FAM47E: variants seen among roughly 807,000 people sequenced by gnomAD.
The protein encoded by FAM47E is family with sequence similarity 47 member E, also known as protein FAM47E.
In FAM47E, 32 loss-of-function variants were observed where a neutral mutation model predicts 41.6. The observed-to-expected ratio is 0.77, with a 90% CI of 0.58 to 1.03. The LOEUF (loss-of-function observed/expected upper bound fraction) is 1.03. Ranked by LOEUF, FAM47E falls within the 50% of genes least tolerant of loss-of-function variation. The probability of loss-of-function intolerance (pLI) is 0.00; values close to 1 mark genes in which losing one functional copy is unlikely to be tolerated. For synonymous variants in FAM47E, 184 were observed against 188.7 expected (o/e 0.98, Z 0.20); for missense variants, 424 against 485.4 (o/e 0.87, Z 1.19).
At chr4:76,249,850 G>C (rs1367608018), upstream of FAM47E, among the ~76,000 whole-genome samples, 1 of 151,958 alleles carries the variant, frequency 6.6e-6, no homozygotes, top group Non-Finnish European at 1.5e-5. Flanking sequence ...TTCCATCCAA[G>C]TTGCTACTAA....
At chr4:76,248,248 C>T (rs1305789702), upstream of FAM47E, among the ~76,000 whole-genome samples, 2 of 151,980 alleles carry the variant, frequency 1.3e-5, no homozygotes, top group African/African-American at 2.4e-5. Flanking sequence ...TTTCGATATA[C>T]AGAAGTTTTT....
intron 2 of FAM47E, among the ~76,000 whole-genome samples, chr4:76,224,833 A>C (rs1311847398): frequency 3.3e-5 from 5 of 152,048 alleles, no homozygotes; most frequent in Non-Finnish European, 5.9e-5. Flanking sequence ...GATTTCTGAG[A>C]TTTTGGTGCA....
At chr4:76,218,957 C>G (rs572532321) in intron 2 of FAM47E, among the ~76,000 whole-genome samples, 2 of 152,248 alleles carry the variant, frequency 1.3e-5, no homozygotes, top group East Asian at 3.9e-4. Context: ...TGTAGACATT[C>G]TATTTTAAGG....
At chr4:76,244,158 T>C (rs182996291) in intron 2 of FAM47E, among the ~76,000 whole-genome samples, 13 of 152,300 alleles carry the variant, frequency 8.5e-5, no homozygotes, top group Admixed American at 2.6e-4. Flanking sequence ...GACATTTGGG[T>C]AGTTCCAAGT....
At chr4:76,227,228 T>C (rs529561423) in intron 2 of FAM47E, among the ~76,000 whole-genome samples, 11 of 152,214 alleles carry the variant, frequency 7.2e-5, no homozygotes, top group South Asian at 2.1e-4. Context: ...GTTGTGTCAC[T>C]ATTATCGTTC....
chr4:76,248,488 C>A (rs1022968659), upstream of FAM47E, among the ~76,000 whole-genome samples: 2 of 152,050 alleles, frequency 1.3e-5, no homozygotes, highest in African/African-American at 4.8e-5. Context: ...TAGGATTTCT[C>A]CAAGACTTAG....
intron 1 of FAM47E, among the ~76,000 whole-genome samples, chr4:76,217,095 A>G (rs1733221457): frequency 6.6e-6 from 1 of 152,212 alleles, no homozygotes; most frequent in African/African-American, 2.4e-5. Flanking sequence ...TCTATAGGAC[A>G]TGTCTGCACC....
At position 76,252,832 on chromosome 4, in the gene FAM47E, A is replaced by G. The variant is rs765100944; in HGVS notation, c.74+1012A>G. 8.5e-5 allele frequency among the ~76,000 whole-genome samples: 13 copies of G among 152,312 alleles called. 1 individual carries two copies. The highest frequency in any genetic ancestry group is 6.2e-4 in the South Asian group (3 of 4,824). Reference sequence around the variant, plus strand: ...GCTGCTTACAGTGGTACCATTTTACATAACGATAGCACATTGCCAAACCAG... The same window carrying G: ...GCTGCTTACAGTGGTACCATTTTACGTAACGATAGCACATTGCCAAACCAG... On this transcript the variant is annotated intron_variant, in intron 1 of 7. Transcript: ENST00000424749.
chr4:76,217,206 A>G (rs1432963236), intron 1 of FAM47E, among the ~76,000 whole-genome samples: 2 of 152,146 alleles, frequency 1.3e-5, no homozygotes, highest in African/African-American at 4.8e-5. Context: ...AGCCACTAAT[A>G]ACCCTGAACA....
chr4:76,273,621 A>G (rs760886955), intron 5 of FAM47E, among the ~76,000 whole-genome samples: 2 of 152,066 alleles, frequency 1.3e-5, no homozygotes, highest in Non-Finnish European at 2.9e-5. Flanking sequence ...TGTTTCATGT[A>G]CTTGTGGCTT....
intron 5 of FAM47E, among the ~76,000 whole-genome samples, chr4:76,276,105 A>G (rs1262958644): frequency 6.6e-6 from 1 of 151,958 alleles, no homozygotes; most frequent in Non-Finnish European, 1.5e-5. Context: ...CCAGTACCAA[A>G]TGTCAATAGT....
At chr4:76,281,481 T>A (rs1735342144) in intron 7 of FAM47E, 2 of 151,178 alleles carry the variant, frequency 1.3e-5, no homozygotes, top group South Asian at 4.1e-4. Flanking sequence ...TTATATATAA[T>A]ATATAAAATA....
chr4:76,218,130 G>A (rs1027740809), intron 2 of FAM47E, among the ~76,000 whole-genome samples: 2 of 152,202 alleles, frequency 1.3e-5, no homozygotes, highest in African/African-American at 2.4e-5. Context: ...GAGTTTGAAT[G>A]GAAATGGCCC....
intron 5 of FAM47E, among the ~76,000 whole-genome samples, chr4:76,275,596 TTAAC>T (rs1735063011): frequency 6.6e-6 from 1 of 152,110 alleles, no homozygotes; most frequent in Non-Finnish European, 1.5e-5. Flanking sequence ...AGGTAAATGA[TTAAC>T]TATAGCGAAA....
intron 2 of FAM47E, among the ~76,000 whole-genome samples, chr4:76,226,650 A>G (rs1212575026): frequency 6.6e-6 from 1 of 152,170 alleles, no homozygotes; most frequent in African/African-American, 2.4e-5. Flanking sequence ...ACGTTATGTC[A>G]GACAAACAAG....
intron 1 of FAM47E, among the ~76,000 whole-genome samples, chr4:76,217,062 T>C (rs1050346076): frequency 3.7e-4 from 57 of 152,226 alleles, no homozygotes; most frequent in African/African-American, 1.3e-3. Context: ...CAATGCCCTT[T>C]GGGACTTCCT....
At chr4:76,214,563 T>C in intron 1 of FAM47E, 1 of 338,494 alleles carries the variant, frequency 3.0e-6, no homozygotes, top group Non-Finnish European at 5.8e-6. Flanking sequence ...GAAGGGCTCT[T>C]GGTATCCTGT....
Position 76,240,543 on chromosome 4 carries a change from G to A in FAM47E, c.81+22855G>A, listed in dbSNP as rs72858568. On this transcript the variant is annotated intron_variant, in intron 2 of 7. Transcript: ENST00000510197. ...TAAAGCCTGTGTGGGGCTGTTTGAC[G>A]ATGTCCTACAGGTCCTTTAGGCTCT... Among the ~76,000 whole-genome samples, 1,443 of 152,168 alleles carry A rather than the reference G, an allele frequency of 9.5e-3. 24 individuals are homozygous for A. Among genetic ancestry groups the A allele is most frequent in the African/African-American group, 0.033 (1,370 of 41,526 alleles).
At chr4:76,271,868 TA>T (rs1734906845) in intron 5 of FAM47E, 100 bp downstream of exon 5, 1 of 1,340,036 alleles carries the variant, frequency 7.5e-7, no homozygotes, top group Non-Finnish European at 9.9e-7. Flanking sequence ...ACTGGTTTTT[TA>T]AAGTAGAATT....
Sources: gnomAD v4.1 joint callset for allele counts (sites outside exome capture counted in the v4.1 genomes callset) on GRCh38, gnomAD v4.1.1 for gene constraint, MANE v1.5 for transcripts, NCBI Gene and HGNC (gene_info 2026-07-23, HGNC 2026-07-21) for gene names.